CAND1: variants seen among roughly 807,000 people sequenced by gnomAD.
The protein encoded by CAND1 is cullin-associated NEDD8-dissociated protein 1.
Under a neutral mutation model 108.5 loss-of-function variants are expected in CAND1, and 7 were observed. That is an observed-to-expected ratio of 0.06 (90% CI 0.04 to 0.12). CAND1 has a LOEUF of 0.12. Ranked by LOEUF, CAND1 falls within the 10% of genes least tolerant of loss-of-function variation. The pLI, the probability that CAND1 is intolerant of heterozygous loss-of-function variation, is 1.00. For synonymous variants in CAND1, 534 were observed against 512.0 expected, an observed-to-expected ratio of 1.04 and a Z score of -0.58; for missense variants, 941 against 1,448.7, an observed-to-expected ratio of 0.65 and a Z score of 5.69.
At chr12:67,286,405 C>G (rs982479657) in intron 2 of CAND1, among the ~76,000 whole-genome samples, 2 of 152,198 alleles carry the variant, frequency 1.3e-5, no homozygotes, top group Non-Finnish European at 2.9e-5. Context: ...CTATCTACCA[C>G]TTTATGTGAA....
At chr12:67,269,899 G>C in intron 1 of CAND1, 114 bp downstream of exon 1, 2 of 818,242 alleles carry the variant, frequency 2.4e-6, no homozygotes, top group Non-Finnish European at 3.9e-6. Context: ...TCTCTGCCCC[G>C]AAGTCTCCAG....
At chr12:67,300,192 G>A (rs927842568) in intron 7 of CAND1, among the ~76,000 whole-genome samples, 6 of 152,222 alleles carry the variant, frequency 3.9e-5, no homozygotes, top group South Asian at 2.1e-4. Flanking sequence ...TAGTCCTATC[G>A]TTGTGATTAC....
At chr12:67,306,770 G>A (rs2044890894) in intron 10 of CAND1, among the ~76,000 whole-genome samples, 173 bp downstream of exon 10, 1 of 152,118 alleles carries the variant, frequency 6.6e-6, no homozygotes, top group African/African-American at 2.4e-5. Context: ...ATGACATTTT[G>A]TTGTTTTAAA....
chr12:67,309,403 G>A (rs1005988302), intron 11 of CAND1, among the ~76,000 whole-genome samples: 26 of 151,898 alleles, frequency 1.7e-4, no homozygotes, highest in Non-Finnish European at 4.4e-5. Flanking sequence ...GCTTTTGGAG[G>A]CACGTTTCTC....
intron 4 of CAND1, among the ~76,000 whole-genome samples, chr12:67,296,948 C>T (rs2044775538): frequency 6.6e-6 from 1 of 151,956 alleles, no homozygotes; most frequent in Non-Finnish European, 1.5e-5. Context: ...CAGGCATGCA[C>T]CACCACACGC....
At position 67,313,382 on chromosome 12, in the gene CAND1, A is replaced by T. The variant is rs913075646; in HGVS notation, c.*552A>T. The T allele has an allele frequency of 4.6e-5, 7 of 152,668 alleles. No individual in the cohort carries two copies. Among genetic ancestry groups the T allele is most frequent in the African/African-American group, 1.7e-4 (7 of 41,476 alleles). 9.5% of individuals were successfully genotyped at this position (152,668 alleles called of 1,614,324 possible). ...AAAAGATAATAAGGTATCATTTTTA[A>T]GTATGAAAATTAACAATATCCCTGT... On this transcript the variant is annotated 3_prime_UTR_variant, in exon 15 of 15. Transcript: ENST00000545606.
At chr12:67,279,694 C>G (rs573805845) in intron 1 of CAND1, among the ~76,000 whole-genome samples, 1 of 152,142 alleles carries the variant, frequency 6.6e-6, no homozygotes, top group African/African-American at 2.4e-5. Context: ...GTGTATTCAA[C>G]TTTTATCTGT....
chr12:67,292,505 A>G (rs1363500972), intron 2 of CAND1, 117 bp from the exon 3 acceptor site: 13 of 641,806 alleles, frequency 2.0e-5, no homozygotes, highest in Non-Finnish European at 3.1e-5. Flanking sequence ...TGATACAGAC[A>G]TGGTATATAC....
chr12:67,272,918 A>G (rs1024932425), intron 1 of CAND1, among the ~76,000 whole-genome samples: 6 of 152,130 alleles, frequency 3.9e-5, no homozygotes, highest in Non-Finnish European at 7.4e-5. Flanking sequence ...CATGGTCTCG[A>G]TCTTCTAACC....
At position 67,318,425 on chromosome 12, in the gene CAND1, A is replaced by G. The variant is rs778951394; in HGVS notation, c.*5595A>G. On this transcript the variant is annotated 3_prime_UTR_variant, in exon 15 of 15. Coordinates refer to ENST00000545606, the MANE Select transcript of CAND1 (RefSeq NM_018448.5). ...GGGAATTAAAATATTTGCACCTTAT[A>G]GGGTTATTGTGAGGATTAAATAGGA... is the stretch of plus-strand genomic sequence containing the variant. 1.3e-5 allele frequency: 2 copies of G among 152,240 alleles called. No individual in the cohort carries two copies. The allele number at this position is 152,240 out of a possible 1,614,324, so 9.4% of individuals were successfully genotyped here.
rs760670898 is a variant in CAND1 at position 67,316,999 on chromosome 12, AAAG to A, written c.*4172_*4174del. The A allele has an allele frequency of 9.2e-5, 14 of 152,338 alleles. No individual in the cohort carries two copies. The East Asian group carries it at 2.7e-3, about 29-fold the overall frequency. 9.4% of individuals were successfully genotyped at this position (152,338 alleles called of 1,614,324 possible). A position where few individuals can be genotyped will look rare whatever the true frequency, so the allele number is the denominator to read the frequency against. The stretch of plus-strand genomic sequence containing the variant: ...CCCTGTCTCTACCAAAAAGAAGAAA[AAAG>A]AAATCAACAACATGCAACCATAAGA... On this transcript the variant is annotated 3_prime_UTR_variant, in exon 15 of 15. Coordinates refer to ENST00000545606, the MANE Select transcript of CAND1 (RefSeq NM_018448.5).
rs779122522 is a variant in CAND1 at position 67,312,847 on chromosome 12, G to C, written c.*17G>C. The stretch of plus-strand genomic sequence containing the variant: ...ACTAGTTAGATGTTTGTTCACCATG[G>C]GGACCATTACATATGACCATACAAT... On this transcript the variant is annotated 3_prime_UTR_variant, in exon 15 of 15. Transcript: ENST00000545606. 1.3e-6 allele frequency: 2 copies of C among 1,511,806 alleles called. No homozygotes were observed. The highest frequency in any genetic ancestry group is 2.3e-5 in the South Asian group (2 of 85,698). 93.6% of individuals were successfully genotyped at this position (1,511,806 alleles called of 1,614,324 possible). A position where few individuals can be genotyped will look rare whatever the true frequency, so the allele number is the denominator to read the frequency against.
In CAND1 at chr12:67,292,678, C is replaced by G; in HGVS notation, c.269C>G (p.Thr90Ser). 1.2e-6 allele frequency: 2 copies of G among 1,612,402 alleles called. No homozygotes were observed. Among genetic ancestry groups the G allele is most frequent in the Non-Finnish European group, 8.5e-7 (1 of 1,178,716 alleles). ...KEYQVETIVD[T>S]LCTNMLSDKE... is the part of the protein sequence containing the mutation. ...TACCAAGTAGAGACAATTGTAGATA[C>G]CCTCTGCACTAACATGCTTTCTGAT... The change falls in exon 3 of 15, where the codon ACC becomes AGC. Residue 90 changes from threonine to serine, a missense_variant. By Grantham distance (58) the Thr-to-Ser change is moderately conservative (BLOSUM62 1). Around this residue, in one of 9 missense-constraint regions of CAND1, gnomAD observed 44 missense variants for 129.1 expected, o/e 0.34. Coordinates refer to ENST00000545606, the MANE Select transcript of CAND1 (RefSeq NM_018448.5).
chr12:67,299,190 A>G, intron 7 of CAND1, 95 bp downstream of exon 7: 1 of 1,177,930 alleles, frequency 8.5e-7, no homozygotes, highest in Middle Eastern at 3.0e-4. Context: ...TGTTTTATTT[A>G]GTTATAATAG....
At position 67,297,873 on chromosome 12, in the gene CAND1, A is replaced by C. The variant is rs1469306618; in HGVS notation, c.854+20A>C. The C allele has an allele frequency of 6.9e-7, 1 of 1,443,514 alleles. No individual in the cohort carries two copies. Among genetic ancestry groups the C allele is most frequent in the Admixed American group, 1.9e-5 (1 of 52,882 alleles). 89.4% of individuals were successfully genotyped at this position (1,443,514 alleles called of 1,614,324 possible). ...AAGAAGGTAAGTTTTTAAGATCTCT[A>C]TTTTTTACAAAAAGTTTTTCCTTAA... On this transcript the variant is annotated intron_variant, in intron 6 of 14. Coordinates refer to ENST00000545606, the MANE Select transcript of CAND1 (RefSeq NM_018448.5).
chr12:67,309,895 T>A lies in CAND1; in HGVS notation c.3026-6T>A. 8 of 1,591,236 alleles carry A rather than the reference T, an allele frequency of 5.0e-6. No homozygotes were observed. The highest frequency in any genetic ancestry group is 6.8e-6 in the Non-Finnish European group (8 of 1,168,220). On this transcript the variant is annotated splice_region_variant and splice_polypyrimidine_tract_variant and intron_variant, in intron 11 of 14. Coordinates refer to ENST00000545606, the MANE Select transcript of CAND1 (RefSeq NM_018448.5). ...TCTGTCTGTTGCTTTTCTTGTAATA[T>A]TTCAGGTGATTTCCTAAAAACTTTG...
chr12:67,281,886 T>A (rs200716206), intron 1 of CAND1, 24 bp from the exon 2 acceptor site: 1 of 1,530,500 alleles, frequency 6.5e-7, no homozygotes, highest in East Asian at 2.3e-5. Context: ...ATTTTCAAAT[T>A]AACAAATTTT....
chr12:67,295,182 A>T (rs1338380626), intron 4 of CAND1, 26 bp downstream of exon 4: 1 of 1,582,290 alleles, frequency 6.3e-7, no homozygotes, highest in Non-Finnish European at 8.6e-7. Context: ...TATTTCCGTT[A>T]CTCGTAATAC....
chr12:67,313,094 T>C lies in CAND1; in HGVS notation c.*264T>C, dbSNP rs2044970108. On this transcript the variant is annotated 3_prime_UTR_variant, in exon 15 of 15. Coordinates refer to ENST00000545606, the MANE Select transcript of CAND1 (RefSeq NM_018448.5). Reference sequence around the variant, plus strand: ...AACATTTGAAATGGAAACTAAAAGTTAGGATTTTATGGAGTATGGAGATAG... The same window carrying C: ...AACATTTGAAATGGAAACTAAAAGTCAGGATTTTATGGAGTATGGAGATAG... 1.7e-5 allele frequency: 5 copies of C among 295,018 alleles called. No homozygotes were observed. The South Asian group carries it at 3.4e-4, about 20-fold the overall frequency. 18.3% of individuals were successfully genotyped at this position (295,018 alleles called of 1,614,324 possible). A position where few individuals can be genotyped will look rare whatever the true frequency, so the allele number is the denominator to read the frequency against.
Sources: allele counts gnomAD v4.1 joint callset (sites outside exome capture counted in the v4.1 genomes callset), GRCh38; gene constraint gnomAD v4.1.1; regional missense constraint gnomAD v4.1.1; transcripts MANE v1.5; gene names NCBI Gene and HGNC (gene_info 2026-07-23, HGNC 2026-07-21).